PTPRM: variants seen among roughly 807,000 people sequenced by gnomAD.
PTPRM encodes the protein receptor-type tyrosine-protein phosphatase mu.
Under a neutral mutation model 186.7 loss-of-function variants are expected in PTPRM, and 47 were observed. The ratio of observed to expected loss-of-function variants is 0.25; its 90% CI spans 0.20 to 0.32. PTPRM has a LOEUF of 0.32. PTPRM is among the 10% of genes least tolerant of loss of function. The probability of loss-of-function intolerance (pLI) is 1.00; values close to 1 mark genes in which losing one functional copy is unlikely to be tolerated. For missense variants in PTPRM, 1,494 were observed against 1,865.0 expected (o/e 0.80, Z 3.66); for synonymous variants, 668 against 674.9 (o/e 0.99, Z 0.16).
intron 2 of PTPRM, among the ~76,000 whole-genome samples, chr18:7,813,941 G>T (rs2044666813): frequency 6.6e-6 from 1 of 151,824 alleles, no homozygotes; most frequent in Admixed American, 6.6e-5. Context: ...TATTAACATG[G>T]TAGTCTATCT....
Position 7,893,984 on chromosome 18 carries a change from A to T in PTPRM, c.468+5607A>T, listed in dbSNP as rs1053986642. Among the ~76,000 whole-genome samples, 9 of 152,248 alleles carry T rather than the reference A, an allele frequency of 5.9e-5. No individual in the cohort carries two copies. The South Asian group carries it at 1.9e-3, about 32-fold the overall frequency. On this transcript the variant is annotated intron_variant, in intron 3 of 32. Transcript: ENST00000580170. ...GCCTGAGGTGTCAGCCTAATTAGAG[A>T]TGGTCAGAAGAAAAGCCTGGACAAA...
At chr18:8,339,777 C>CA (rs1364889847) in intron 22 of PTPRM, among the ~76,000 whole-genome samples, 1 of 152,038 alleles carries the variant, frequency 6.6e-6, no homozygotes, top group Non-Finnish European at 1.5e-5. Flanking sequence ...CTGCTGAATC[C>CA]AAATGGAGTA....
At chr18:8,112,013 T>A (rs1470320869) in intron 11 of PTPRM, among the ~76,000 whole-genome samples, 1 of 152,226 alleles carries the variant, frequency 6.6e-6, no homozygotes, top group African/African-American at 2.4e-5. Flanking sequence ...CACTTTGACC[T>A]TGACCCTTTA....
chr18:7,660,585 T>C (rs370093687), intron 1 of PTPRM, among the ~76,000 whole-genome samples: 3 of 152,038 alleles, frequency 2.0e-5, no homozygotes, highest in East Asian at 3.9e-4. Context: ...TGGGCCACAC[T>C]CCTAGTTGAG....
chr18:8,130,731 G>GT (rs1568391903), intron 13 of PTPRM, among the ~76,000 whole-genome samples: 1 of 152,114 alleles, frequency 6.6e-6, no homozygotes, highest in African/African-American at 2.4e-5. Context: ...GGACTTAACA[G>GT]TCCCCTAACT....
chr18:8,172,265 C>CTTTTTTTTT, intron 14 of PTPRM, among the ~76,000 whole-genome samples: 1 of 137,832 alleles, frequency 7.3e-6, no homozygotes, highest in Non-Finnish European at 1.6e-5. Flanking sequence ...AAGTCTTGAC[C>CTTTTTTTTT]TTTTTTTTTT....
chr18:8,224,886 TG>T (rs1446633597), intron 14 of PTPRM, among the ~76,000 whole-genome samples: 1 of 152,190 alleles, frequency 6.6e-6, no homozygotes, highest in Non-Finnish European at 1.5e-5. Flanking sequence ...TTTCTTATTT[TG>T]GTAAGAATTT....
intron 1 of PTPRM, among the ~76,000 whole-genome samples, chr18:7,705,564 G>A (rs1437313275): frequency 6.6e-6 from 1 of 151,996 alleles, no homozygotes; most frequent in Non-Finnish European, 1.5e-5. Context: ...CAGTGTAATT[G>A]TTATTATGTA....
chr18:7,894,264 A>G (rs762882262), intron 3 of PTPRM, among the ~76,000 whole-genome samples: 28 of 152,248 alleles, frequency 1.8e-4, no homozygotes, highest in Non-Finnish European at 3.7e-4. Flanking sequence ...GTTTTTGACT[A>G]TTATATTTCT....
intron 2 of PTPRM, among the ~76,000 whole-genome samples, chr18:7,781,910 T>C (rs537481409): frequency 2.0e-5 from 3 of 151,752 alleles, no homozygotes; most frequent in East Asian, 1.9e-4. Flanking sequence ...ACACTGAGGC[T>C]CCCACCTGAG....
chr18:7,847,257 C>T (rs1315614219), intron 2 of PTPRM, among the ~76,000 whole-genome samples: 2 of 151,236 alleles, frequency 1.3e-5, no homozygotes, highest in African/African-American at 2.4e-5. Flanking sequence ...GCCTCAGCCA[C>T]CCAAGCTCAA....
At chr18:7,960,356 G>C (rs868152626) in intron 7 of PTPRM, among the ~76,000 whole-genome samples, 1 of 151,390 alleles carries the variant, frequency 6.6e-6, no homozygotes, top group Middle Eastern at 3.4e-3. Flanking sequence ...GTATTTGCCG[G>C]GCACTATTCC....
chr18:8,152,804 G>A (rs750882530), intron 14 of PTPRM, among the ~76,000 whole-genome samples: 3 of 130,332 alleles, frequency 2.3e-5, no homozygotes, highest in Non-Finnish European at 4.6e-5. Flanking sequence ...TGCAACCTCC[G>A]CCTCCTGGGT....
chr18:7,954,985 A>T (rs2053218311), intron 6 of PTPRM, 136 bp from the exon 7 acceptor site: 2 of 921,670 alleles, frequency 2.2e-6, no homozygotes, highest in Admixed American at 5.9e-5. Flanking sequence ...TTTCTTGTTA[A>T]CCCAAACAAA....
chr18:7,640,269 C>G (rs2038414801), intron 1 of PTPRM, among the ~76,000 whole-genome samples: 1 of 151,990 alleles, frequency 6.6e-6, no homozygotes, highest in Non-Finnish European at 1.5e-5. Flanking sequence ...TTCCAGTGTC[C>G]AGTTGAATGA....
intron 2 of PTPRM, among the ~76,000 whole-genome samples, chr18:7,781,904 T>C (rs2042874590): frequency 6.6e-6 from 1 of 152,282 alleles, no homozygotes; most frequent in Non-Finnish European, 1.5e-5. Context: ...TTGTCCACAC[T>C]GAGGCTCCCA....
intron 2 of PTPRM, among the ~76,000 whole-genome samples, chr18:7,874,135 G>A (rs571381785): frequency 2.6e-5 from 4 of 151,898 alleles, no homozygotes; most frequent in Non-Finnish European, 5.9e-5. Context: ...AAATCCCTTC[G>A]TATATGTGTC....
intron 1 of PTPRM, among the ~76,000 whole-genome samples, chr18:7,752,766 A>G (rs1015828943): frequency 2.0e-5 from 3 of 151,998 alleles, no homozygotes; most frequent in Non-Finnish European, 2.9e-5. Context: ...TTAATGTTAG[A>G]CATAGACTCG....
chr18:8,044,756 C>CA (rs67620203), intron 7 of PTPRM, among the ~76,000 whole-genome samples: 62,951 of 104,252 alleles, frequency 0.6, 17,643 homozygotes, highest in South Asian at 0.69. Context: ...GACTCTGTCT[C>CA]AAAAAAAAAA....
Sources: allele counts gnomAD v4.1 joint callset (sites outside exome capture counted in the v4.1 genomes callset), GRCh38; gene constraint gnomAD v4.1.1; transcripts MANE v1.5; gene names NCBI Gene and HGNC (gene_info 2026-07-23, HGNC 2026-07-21).